The following PDLIM1 variants were observed in gnomAD, a reference collection of about 807,000 sequenced individuals.
The protein encoded by PDLIM1 is PDZ and LIM domain 1.
A neutral mutation model predicts 35.2 loss-of-function variants in PDLIM1; 25 were observed. That is an observed-to-expected ratio of 0.71 (90% CI 0.52 to 0.99). The LOEUF (loss-of-function observed/expected upper bound fraction) is 0.99, where lower values mean the gene tolerates loss of function less well. Ranked by LOEUF, PDLIM1 falls within the 50% of genes least tolerant of loss-of-function variation. The probability of loss-of-function intolerance (pLI) is 0.00; values close to 1 mark genes in which losing one functional copy is unlikely to be tolerated. For missense variants in PDLIM1, 363 were observed against 415.3 expected, an observed-to-expected ratio of 0.87 and a Z score of 1.09; for synonymous variants, 152 against 154.0, an observed-to-expected ratio of 0.99 and a Z score of 0.10.
At chr10:95,264,726 C>A (rs1408916661) in intron 3 of PDLIM1, among the ~76,000 whole-genome samples, 3 of 151,262 alleles carry the variant, frequency 2.0e-5, no homozygotes, top group African/African-American at 4.8e-5. Flanking sequence ...CAGAAAAGGA[C>A]TTTTGAGTTC....
intron 4 of PDLIM1, among the ~76,000 whole-genome samples, chr10:95,251,282 T>C (rs1213071329): frequency 6.6e-6 from 1 of 151,866 alleles, no homozygotes; most frequent in African/African-American, 2.4e-5. Context: ...GCAACTTAAT[T>C]ATCTGTATAT....
intron 5 of PDLIM1, among the ~76,000 whole-genome samples, chr10:95,239,540 A>G (rs1295905683): frequency 6.6e-6 from 1 of 152,218 alleles, no homozygotes; most frequent in African/African-American, 2.4e-5. Context: ...TCACTTCTGT[A>G]ATCCCAACAC....
chr10:95,237,923 G>T lies in PDLIM1; in HGVS notation c.*2C>A, dbSNP rs1349684952. 4.3e-6 allele frequency: 7 copies of T among 1,613,156 alleles called. No individual in the cohort carries two copies. Among genetic ancestry groups the T allele is most frequent in the Non-Finnish European group, 5.9e-6 (7 of 1,179,368 alleles). ...TGGAGAACAGTGGTCAGATCTGCTGGCTCACTTGGGGAACACAGTGACCAC... is the reference window on the plus strand; with the variant it reads ...TGGAGAACAGTGGTCAGATCTGCTGTCTCACTTGGGGAACACAGTGACCAC... On this transcript the variant is annotated 3_prime_UTR_variant, in exon 7 of 7. Transcript: ENST00000329399.
intron 2 of PDLIM1, among the ~76,000 whole-genome samples, chr10:95,269,295 G>A (rs1187220422): frequency 6.6e-6 from 1 of 152,176 alleles, no homozygotes; most frequent in East Asian, 1.9e-4. Flanking sequence ...CTCTTGGCCG[G>A]GCGTGGTGGC....
Position 95,268,786 on chromosome 10 carries a change from C to T in PDLIM1, c.325G>A (p.Glu109Lys), listed in dbSNP as rs780377101. The T allele has an allele frequency of 5.0e-6, 8 of 1,610,102 alleles. No individual in the cohort carries two copies. Among genetic ancestry groups the T allele is most frequent in the Middle Eastern group, 1.7e-4 (1 of 6,048 alleles). Residue 109 changes from glutamate (E) to lysine (K), a missense_variant, in exon 3 of 7, where the codon GAA becomes AAA. By Grantham distance (56) the Glu-to-Lys change is moderately conservative (BLOSUM62 1). Transcript: ENST00000329399. ...RHPYKMNLAS[E>K]PQEVLHIGSA... is the part of the protein sequence containing the mutation. ...GATGAGCAAGAACTTACCTGGGGTTCAGAGGCTAAATTCATCTTGTATGGA... is the reference window on the plus strand; with the variant it reads ...GATGAGCAAGAACTTACCTGGGGTTTAGAGGCTAAATTCATCTTGTATGGA...
intron 5 of PDLIM1, among the ~76,000 whole-genome samples, chr10:95,240,591 T>A (rs1477598998): frequency 1.3e-5 from 2 of 152,186 alleles, no homozygotes; most frequent in East Asian, 3.8e-4. Flanking sequence ...CAAACCACCA[T>A]GGCACGTCAT....
At chr10:95,249,613 TA>T (rs1277497383) in intron 4 of PDLIM1, among the ~76,000 whole-genome samples, 1 of 152,090 alleles carries the variant, frequency 6.6e-6, no homozygotes, top group African/African-American at 2.4e-5. Context: ...ATTTCCAGGG[TA>T]TATGTTTTCC....
chr10:95,259,560 AGAAAC>A (rs2133422756), intron 4 of PDLIM1, among the ~76,000 whole-genome samples: 1 of 152,324 alleles, frequency 6.6e-6, no homozygotes, highest in South Asian at 2.1e-4. Context: ...TCCTGCAATA[AGAAAC>A]CAGAGGGGTA....
At chr10:95,256,298 T>A (rs537251348) in intron 4 of PDLIM1, among the ~76,000 whole-genome samples, 2 of 152,288 alleles carry the variant, frequency 1.3e-5, no homozygotes, top group South Asian at 4.1e-4. Flanking sequence ...TTCAATGCAA[T>A]CACTATCAAA....
In PDLIM1 at chr10:95,238,560, A is replaced by C; in HGVS notation, c.803+8T>G. 6.6e-7 allele frequency: 1 copy of C among 1,523,102 alleles called. No homozygotes were observed. The highest frequency in any genetic ancestry group is 2.0e-4 in the Middle Eastern group (1 of 5,018). 94.3% of individuals were successfully genotyped at this position (1,523,102 alleles called of 1,614,324 possible). A position where few individuals can be genotyped will look rare whatever the true frequency, so the allele number is the denominator to read the frequency against. Reference sequence around the variant, plus strand: ...GGTCTGCAAAGGCTGTGGGAAGCAGATACTCACACAATCCCAGTGCCACAT... The same window carrying C: ...GGTCTGCAAAGGCTGTGGGAAGCAGCTACTCACACAATCCCAGTGCCACAT... On this transcript the variant is annotated splice_region_variant and intron_variant, in intron 6 of 6. Transcript: ENST00000329399.
chr10:95,261,911 T>C (rs2035365451), intron 4 of PDLIM1, among the ~76,000 whole-genome samples: 1 of 151,158 alleles, frequency 6.6e-6, no homozygotes, highest in South Asian at 2.1e-4. Flanking sequence ...GGGAGGCTGA[T>C]GCAGAAGAAT....
intron 5 of PDLIM1, among the ~76,000 whole-genome samples, chr10:95,243,245 C>T (rs1415718493): frequency 6.6e-6 from 1 of 152,190 alleles, no homozygotes; most frequent in African/African-American, 2.4e-5. Context: ...TTTTCTCTCA[C>T]ATATCCAGCC....
Position 95,290,821 on chromosome 10 carries a change from C to CG in PDLIM1, c.94dup (p.Arg32ProfsTer12). Reference sequence around the variant, plus strand: ...CACGCACGTCCCAGCTGCTCTTACCCGGGAAATGGCGAGAGGCTGCTCGAA... The same window carrying CG: ...CACGCACGTCCCAGCTGCTCTTACCCGGGGAAATGGCGAGAGGCTGCTCGAA... On this transcript the variant is annotated frameshift_variant and splice_region_variant, in exon 1 of 7. Coordinates refer to ENST00000329399, the MANE Select transcript of PDLIM1 (RefSeq NM_020992.4). LOFTEE classifies it high-confidence loss of function. The surrounding 1 kb of genome is among the most constrained non-coding windows in gnomAD (Gnocchi z 4.7). 6.4e-7 allele frequency: 1 copy of CG among 1,557,008 alleles called. No individual in the cohort carries two copies.
chr10:95,273,864 T>C (rs1409915102), intron 1 of PDLIM1, among the ~76,000 whole-genome samples: 1 of 152,210 alleles, frequency 6.6e-6, no homozygotes, highest in Non-Finnish European at 1.5e-5. Context: ...TGGTGCATCT[T>C]CATACACACT....
intron 1 of PDLIM1, among the ~76,000 whole-genome samples, chr10:95,272,761 T>A (rs1651588776): frequency 6.6e-6 from 1 of 152,196 alleles, no homozygotes; most frequent in South Asian, 2.1e-4. Flanking sequence ...TATACTGGTT[T>A]AATCTCCCAA....
At chr10:95,285,174 C>G (rs2035592391) in intron 1 of PDLIM1, among the ~76,000 whole-genome samples, 1 of 152,196 alleles carries the variant, frequency 6.6e-6, no homozygotes, top group South Asian at 2.1e-4. Context: ...CATGGAACCT[C>G]ATAACTGGAC....
chr10:95,274,201 A>G (rs1485724233), intron 1 of PDLIM1, among the ~76,000 whole-genome samples: 4 of 151,716 alleles, frequency 2.6e-5, no homozygotes, highest in African/African-American at 9.7e-5. Context: ...TGCCTGATTA[A>G]CTTCTCATCT....
Position 95,247,276 on chromosome 10 carries a change from C to T in PDLIM1, c.624G>A (p.Glu208=), listed in dbSNP as rs2035229720. 1 of 1,614,064 alleles carries T rather than the reference C, an allele frequency of 6.2e-7. No individual in the cohort carries two copies. Among genetic ancestry groups the T allele is most frequent in the East Asian group, 2.2e-5 (1 of 44,884 alleles). Residue 208 remains glutamate, a synonymous_variant, in exon 5 of 7, where the codon GAG becomes GAA. Transcript: ENST00000329399. ...AGAAAGACGTGGACTGTTTCGGGGG[C>T]TCATTCAACTCCTGTTTCTCCTGAA... is the stretch of plus-strand genomic sequence containing the variant. ...KMLQEKQELN[E]PPKQSTSFLV... is the part of the protein sequence containing the mutation.
intron 5 of PDLIM1, among the ~76,000 whole-genome samples, chr10:95,246,365 C>T (rs2035221675): frequency 6.6e-6 from 1 of 152,170 alleles, no homozygotes; most frequent in Non-Finnish European, 1.5e-5. Flanking sequence ...ATACTTTTAC[C>T]ACTGTCCACT....
Sources: gnomAD v4.1 joint callset for allele counts (sites outside exome capture counted in the v4.1 genomes callset) on GRCh38, gnomAD v4.1.1 for gene constraint, Gnocchi (gnomAD v3.1) non-coding constraint, MANE v1.5 for transcripts, NCBI Gene and HGNC (gene_info 2026-07-23, HGNC 2026-07-21) for gene names.